Variants in GRIK4 observed in about 807,000 individuals in gnomAD.
GRIK4 encodes glutamate receptor ionotropic, kainate 4.
In GRIK4, 40 loss-of-function variants were observed where a neutral mutation model predicts 104.9. The ratio of observed to expected loss-of-function variants is 0.38; its 90% CI spans 0.30 to 0.50. The LOEUF is 0.50. Ranked by LOEUF, GRIK4 falls within the 20% of genes least tolerant of loss-of-function variation. The pLI is 0.93. For synonymous variants in GRIK4, 485 were observed against 524.9 expected, an observed-to-expected ratio of 0.92 and a Z score of 1.04; for missense variants, 1,047 against 1,308.1, an observed-to-expected ratio of 0.80 and a Z score of 3.08.
intron 3 of GRIK4, among the ~76,000 whole-genome samples, chr11:120,733,603 T>G (rs758349189): frequency 3.3e-5 from 5 of 152,076 alleles, no homozygotes; most frequent in Non-Finnish European, 7.4e-5. Context: ...AGAAGAAAAC[T>G]AACAAAAACT....
chr11:120,886,739 G>A (rs543173453), intron 11 of GRIK4, among the ~76,000 whole-genome samples: 1 of 152,332 alleles, frequency 6.6e-6, no homozygotes, highest in Admixed American at 6.5e-5. Context: ...TGTATGAGTA[G>A]CTGAAGTTTT....
At chr11:120,708,394 C>T (rs1314035565) in intron 3 of GRIK4, among the ~76,000 whole-genome samples, 1 of 152,174 alleles carries the variant, frequency 6.6e-6, no homozygotes, top group Non-Finnish European at 1.5e-5. Flanking sequence ...ACCTCTAGCT[C>T]AGCTCCACAG....
intron 1 of GRIK4, among the ~76,000 whole-genome samples, chr11:120,550,155 G>T (rs569352144): frequency 1.3e-5 from 2 of 151,980 alleles, no homozygotes; most frequent in African/African-American, 4.8e-5. Flanking sequence ...AGCGTCACAG[G>T]GGGAAGAAGG....
At chr11:120,593,733 A>G (rs1453299936) in intron 1 of GRIK4, among the ~76,000 whole-genome samples, 1 of 152,112 alleles carries the variant, frequency 6.6e-6, no homozygotes, top group East Asian at 1.9e-4. Flanking sequence ...TGACTTTTTC[A>G]TTTGAATATC....
At chr11:120,596,018 T>C (rs1366865350) in intron 1 of GRIK4, among the ~76,000 whole-genome samples, 1 of 152,184 alleles carries the variant, frequency 6.6e-6, no homozygotes, top group Non-Finnish European at 1.5e-5. Flanking sequence ...AGCTAATTTT[T>C]GTATTTTTAG....
At chr11:120,805,590 T>A (rs1403545576) in intron 4 of GRIK4, among the ~76,000 whole-genome samples, 1 of 152,194 alleles carries the variant, frequency 6.6e-6, no homozygotes, top group Non-Finnish European at 1.5e-5. Context: ...CATCTCAGTG[T>A]GTTTGAGGTA....
intron 11 of GRIK4, among the ~76,000 whole-genome samples, chr11:120,876,123 C>T (rs868584456): frequency 6.6e-6 from 1 of 151,366 alleles, no homozygotes; most frequent in South Asian, 2.1e-4. Context: ...TCATCATCAT[C>T]ACCACCACCA....
chr11:120,673,684 A>G (rs1298150759), intron 3 of GRIK4, among the ~76,000 whole-genome samples: 8 of 152,310 alleles, frequency 5.3e-5, no homozygotes, highest in East Asian at 1.9e-4. Flanking sequence ...GCTGTGCCCA[A>G]GCTCCTCTGG....
At chr11:120,591,147 C>G (rs7950360) in intron 1 of GRIK4, among the ~76,000 whole-genome samples, 112,464 of 151,494 alleles carry the variant, frequency 0.74, 41,962 homozygotes, top group Admixed American at 0.81. Flanking sequence ...CTGAATTTAT[C>G]GTCTCTGCTT....
At position 120,919,301 on chromosome 11, in the gene GRIK4, C is replaced by T. The variant is rs562883182; in HGVS notation, c.1476+13808C>T. ...GTGATGCTGAAGAGGCAAGCCTCAG[C>T]TGGGTGGTGACAATCACTTAGACCA... On this transcript the variant is annotated intron_variant, in intron 13 of 20. Transcript: ENST00000527524. Among the ~76,000 whole-genome samples, 11 of 152,318 alleles carry T rather than the reference C, an allele frequency of 7.2e-5. No homozygotes were observed. In the East Asian group the frequency reaches 1.5e-3, roughly 21 times the overall value.
chr11:120,577,895 C>T (rs1948506425), intron 1 of GRIK4, among the ~76,000 whole-genome samples: 1 of 152,184 alleles, frequency 6.6e-6, no homozygotes, highest in Admixed American at 6.5e-5. Context: ...GCTCGGATTT[C>T]TCAGCTCGGC....
intron 2 of GRIK4, among the ~76,000 whole-genome samples, chr11:120,655,429 A>G (rs1391471335): frequency 6.6e-6 from 1 of 152,158 alleles, no homozygotes; most frequent in Non-Finnish European, 1.5e-5. Flanking sequence ...GCAAAGCCAG[A>G]TCATGGGAGG....
At chr11:120,913,744 C>T (rs1943047466) in intron 13 of GRIK4, among the ~76,000 whole-genome samples, 1 of 151,118 alleles carries the variant, frequency 6.6e-6, no homozygotes, top group African/African-American at 2.4e-5. Flanking sequence ...CATTTTTTCT[C>T]CTGGGTGCCC....
rs1489023279 is a variant in GRIK4, at chr11:120,987,678, T to C, written c.*1418T>C. On this transcript the variant is annotated 3_prime_UTR_variant, in exon 21 of 21. Transcript: ENST00000527524. ...TCTCTTCCATCTACCAAATAGGAGT[T>C]ACTGATGCTGTCCAGGTTACCAGGT... 6.6e-6 allele frequency: 1 copy of C among 152,180 alleles called. No homozygotes were observed. The highest frequency in any genetic ancestry group is 1.5e-5 in the Non-Finnish European group (1 of 68,064). 9.4% of individuals were successfully genotyped at this position (152,180 alleles called of 1,614,324 possible).
intron 1 of GRIK4, among the ~76,000 whole-genome samples, chr11:120,647,784 C>G (rs1055521208): frequency 2.0e-5 from 3 of 152,232 alleles, no homozygotes; most frequent in Admixed American, 2.0e-4. Flanking sequence ...TTCGCTGTGG[C>G]CGGGCATGCT....
At chr11:120,816,335 A>C (rs1952957419) in intron 5 of GRIK4, among the ~76,000 whole-genome samples, 1 of 152,046 alleles carries the variant, frequency 6.6e-6, no homozygotes, top group African/African-American at 2.4e-5. Context: ...TGTCTGCCCC[A>C]AGGGCCTTCC....
intron 1 of GRIK4, among the ~76,000 whole-genome samples, chr11:120,648,741 G>C (rs557208714): frequency 6.6e-6 from 1 of 152,192 alleles, no homozygotes; most frequent in Non-Finnish European, 1.5e-5. Flanking sequence ...CCAGGTCTTG[G>C]AGCTAGGTAT....
In GRIK4 at chr11:120,938,464, G is replaced by A. The variant is rs148618786; in HGVS notation, c.1477-1883G>A. ...CGAGTTTGTTAAGCTGTGCTGGATC[G>A]TGTGACTGCTTTATGGGGTGGAACG... is the stretch of plus-strand genomic sequence containing the variant. On this transcript the variant is annotated intron_variant, in intron 13 of 20. Coordinates refer to ENST00000527524, the MANE Select transcript of GRIK4 (RefSeq NM_014619.5). Among the ~76,000 whole-genome samples the A allele has an allele frequency of 1.3e-3, 199 of 152,286 alleles. 1 individual carries two copies. The highest frequency in any genetic ancestry group is 4.5e-3 in the African/African-American group (186 of 41,556).
At chr11:120,841,069 G>A (rs1288264786) in intron 8 of GRIK4, among the ~76,000 whole-genome samples, 2 of 152,048 alleles carry the variant, frequency 1.3e-5, no homozygotes, top group Non-Finnish European at 2.9e-5. Context: ...GTCAGAAATT[G>A]CATTTCTTTT....
Sources: allele counts gnomAD v4.1 joint callset (sites outside exome capture counted in the v4.1 genomes callset), GRCh38; gene constraint gnomAD v4.1.1; transcripts MANE v1.5; gene names NCBI Gene and HGNC (gene_info 2026-07-23, HGNC 2026-07-21).